Variants in HMGB1 observed in about 807,000 individuals in gnomAD.
The protein encoded by HMGB1 is high mobility group box 1, also known as high mobility group protein B1.
For synonymous variants in HMGB1, 81 were observed against 84.0 expected, an observed-to-expected ratio of 0.96 and a Z score of 0.19; for missense variants, 79 against 253.5, an observed-to-expected ratio of 0.31 and a Z score of 4.67.
intron 1 of HMGB1, among the ~76,000 whole-genome samples, chr13:30,570,357 T>C (rs918181486): frequency 3.9e-5 from 6 of 152,250 alleles, no homozygotes; most frequent in African/African-American, 1.2e-4. Flanking sequence ...CACTTATGAC[T>C]TTCCAAATGC....
chr13:30,591,839 C>G (rs965344224), intron 1 of HMGB1, among the ~76,000 whole-genome samples: 6 of 152,126 alleles, frequency 3.9e-5, no homozygotes, highest in African/African-American at 1.4e-4. Flanking sequence ...ACAATATAGA[C>G]AAGAAATAAC....
At chr13:30,542,661 C>G (rs1223460066) in intron 1 of HMGB1, 1 of 194,512 alleles carries the variant, frequency 5.1e-6, no homozygotes, top group East Asian at 1.6e-4. Context: ...GAGCCCTCCT[C>G]CTGTTCCTCA....
chr13:30,594,601 T>C (rs1593334252), intron 1 of HMGB1, among the ~76,000 whole-genome samples: 1 of 152,244 alleles, frequency 6.6e-6, no homozygotes, highest in East Asian at 1.9e-4. Flanking sequence ...GTTGTATAGG[T>C]AACACATTTT....
chr13:30,475,518 C>A (rs1040470071), intron 1 of HMGB1, among the ~76,000 whole-genome samples: 4 of 146,538 alleles, frequency 2.7e-5, no homozygotes, highest in Non-Finnish European at 6.0e-5. Context: ...CGGTTTGAGA[C>A]CATCTCTAAA....
chr13:30,477,366 G>T (rs1887122382), intron 1 of HMGB1, among the ~76,000 whole-genome samples: 1 of 152,158 alleles, frequency 6.6e-6, no homozygotes, highest in African/African-American at 2.4e-5. Flanking sequence ...TAGAGCAACA[G>T]TAAAGAAGTT....
At chr13:30,563,865 C>T (rs1488682385) in intron 1 of HMGB1, among the ~76,000 whole-genome samples, 6 of 152,174 alleles carry the variant, frequency 3.9e-5, no homozygotes, top group Admixed American at 3.9e-4. Flanking sequence ...GCACCCAGTT[C>T]ATTTATTAAC....
intron 1 of HMGB1, among the ~76,000 whole-genome samples, chr13:30,474,715 A>ACTG (rs1398843299): frequency 6.7e-6 from 1 of 148,782 alleles, no homozygotes; most frequent in Admixed American, 6.7e-5. Context: ...TGATTGAACC[A>ACTG]CTGCACTCCA....
chr13:30,606,401 T>C (rs536984075), intron 1 of HMGB1, among the ~76,000 whole-genome samples: 3 of 152,344 alleles, frequency 2.0e-5, no homozygotes, highest in African/African-American at 4.8e-5. Context: ...AAAAAACTAC[T>C]ACCATCTCTC....
At chr13:30,498,508 T>C (rs1469401435) in intron 1 of HMGB1, among the ~76,000 whole-genome samples, 1 of 151,956 alleles carries the variant, frequency 6.6e-6, no homozygotes, top group Non-Finnish European at 1.5e-5. Flanking sequence ...CTTTGCAAGG[T>C]CTACATCACT....
At position 30,524,356 on chromosome 13, in the gene HMGB1, AAG is replaced by A. The variant is rs1258224064; in HGVS notation, c.-14-60664_-14-60663del. On this transcript the variant is annotated intron_variant, in intron 1 of 4. Coordinates refer to the HMGB1 transcript ENST00000405805. The stretch of plus-strand genomic sequence containing the variant: ...GTATATTAAAAAAAAAAAAAAAAAA[AAG>A]AAAAAAAAGAAGAACTGCCTGAGAC... 7.1e-3 allele frequency among the ~76,000 whole-genome samples: 235 copies of A among 32,910 alleles called. 1 individual carries two copies. Among genetic ancestry groups the A allele is most frequent in the African/African-American group, 0.017 (222 of 13,210 alleles). The allele number at this position is 32,910 out of a possible 152,430, so 21.6% of individuals were successfully genotyped here. A position where few individuals can be genotyped will look rare whatever the true frequency, so the allele number is the denominator to read the frequency against.
At chr13:30,588,029 T>G (rs960003721) in intron 1 of HMGB1, among the ~76,000 whole-genome samples, 3 of 152,246 alleles carry the variant, frequency 2.0e-5, no homozygotes, top group African/African-American at 7.2e-5. Context: ...CTACAAAAAT[T>G]ACCATCATAT....
chr13:30,575,422 C>T (rs1225482644), intron 1 of HMGB1, among the ~76,000 whole-genome samples: 1 of 152,196 alleles, frequency 6.6e-6, no homozygotes, highest in African/African-American at 2.4e-5. Context: ...ACATGTCTTA[C>T]ATAGGGACTC....
chr13:30,480,335 A>G (rs1355714855), intron 1 of HMGB1, among the ~76,000 whole-genome samples: 1 of 152,224 alleles, frequency 6.6e-6, no homozygotes, highest in Non-Finnish European at 1.5e-5. Context: ...TGTGTAGAAT[A>G]TTCACTTTGA....
At position 30,587,875 on chromosome 13, in the gene HMGB1, T is replaced by A. The variant is rs138249489; in HGVS notation, c.-15+28796A>T. Among the ~76,000 whole-genome samples the A allele has an allele frequency of 3.6e-3, 542 of 152,340 alleles. 2 individuals are homozygous for A. Among genetic ancestry groups the A allele is most frequent in the African/African-American group, 0.011 (460 of 41,568 alleles). On this transcript the variant is annotated intron_variant, in intron 1 of 4. Coordinates refer to the HMGB1 transcript ENST00000405805. ...CAAACTGGTAATGAGGGAGCTACTG[T>A]GTCCATTACAATACTCCTTCTAGAA...
At chr13:30,461,822 A>G (rs1488240504) in intron 4 of HMGB1, 2 of 540,090 alleles carry the variant, frequency 3.7e-6, no homozygotes, top group South Asian at 2.1e-5. Flanking sequence ...TATTAAAACC[A>G]GAATGTAGAG....
chr13:30,572,282 T>C (rs907054471), intron 1 of HMGB1, among the ~76,000 whole-genome samples: 10 of 152,228 alleles, frequency 6.6e-5, no homozygotes, highest in African/African-American at 2.2e-4. Flanking sequence ...ATCTCAGAGA[T>C]AAAGTGTTCA....
At chr13:30,494,637 A>T (rs1259227215) in intron 1 of HMGB1, among the ~76,000 whole-genome samples, 1 of 152,238 alleles carries the variant, frequency 6.6e-6, no homozygotes. Context: ...CTGGAATTAC[A>T]GGCGTGAGCT....
At chr13:30,537,156 A>C (rs773177333) in intron 1 of HMGB1, among the ~76,000 whole-genome samples, 10 of 152,184 alleles carry the variant, frequency 6.6e-5, no homozygotes, top group Non-Finnish European at 1.2e-4. Flanking sequence ...AGAATGTTAC[A>C]GGCATTTCTC....
chr13:30,566,325 T>C (rs750328250), intron 1 of HMGB1, among the ~76,000 whole-genome samples: 4 of 152,220 alleles, frequency 2.6e-5, no homozygotes, highest in Non-Finnish European at 5.9e-5. Context: ...GCAAACTTTT[T>C]CTGTAAGGGG....
Sources: allele counts gnomAD v4.1 joint callset (sites outside exome capture counted in the v4.1 genomes callset), GRCh38; gene constraint gnomAD v4.1.1; transcripts MANE v1.5; gene names NCBI Gene and HGNC (gene_info 2026-07-23, HGNC 2026-07-21).